ROBO1: variants seen among roughly 807,000 people sequenced by gnomAD.
ROBO1 encodes roundabout homolog 1.
In ROBO1, 149 loss-of-function variants were observed where a neutral mutation model predicts 195.9. The observed-to-expected ratio is 0.76, with a 90% CI of 0.67 to 0.87. The LOEUF is 0.87. ROBO1 is among the 40% of genes least tolerant of loss of function. ROBO1 has a pLI of 0.00. For missense variants in ROBO1, 1,933 were observed against 2,068.3 expected, an observed-to-expected ratio of 0.93 and a Z score of 1.27; for synonymous variants, 816 against 733.2, an observed-to-expected ratio of 1.11 and a Z score of -1.82.
chr3:79,678,308 T>TATAA (rs919923746), intron 1 of ROBO1, among the ~76,000 whole-genome samples: 1 of 150,870 alleles, frequency 6.6e-6, no homozygotes, highest in African/African-American at 2.4e-5. Flanking sequence ...TATATATATA[T>TATAA]AAATCACTAG....
chr3:79,629,809 T>C (rs1371246939), intron 1 of ROBO1, among the ~76,000 whole-genome samples: 1 of 152,006 alleles, frequency 6.6e-6, no homozygotes, highest in Non-Finnish European at 1.5e-5. Flanking sequence ...ATAAAAGTGA[T>C]ATTAAGACTG....
Position 79,471,268 on chromosome 3 carries a change from C to T in ROBO1, c.88+118556G>A, listed in dbSNP as rs572674602. 3.9e-5 allele frequency among the ~76,000 whole-genome samples: 6 copies of T among 152,166 alleles called. No individual in the cohort carries two copies. In the South Asian group the frequency reaches 1.2e-3, roughly 32 times the overall value. On this transcript the variant is annotated intron_variant, in intron 2 of 30. Transcript: ENST00000464233. ...GGGCAACGATTTTCTTGGATAAGAC[C>T]TCAAAACCACAGGCAATAAAATAAA...
chr3:79,625,245 C>G (rs564638973), intron 1 of ROBO1, among the ~76,000 whole-genome samples: 2 of 151,114 alleles, frequency 1.3e-5, no homozygotes, highest in South Asian at 4.2e-4. Context: ...CATCGGAAAG[C>G]TAGAAAGATC....
intron 2 of ROBO1, among the ~76,000 whole-genome samples, chr3:79,154,482 A>G (rs983236102): frequency 1.3e-5 from 2 of 151,780 alleles, no homozygotes; most frequent in Non-Finnish European, 2.9e-5. Flanking sequence ...CTCAGTCAAC[A>G]TAGTCACTTG....
chr3:79,139,968 A>G lies in ROBO1; in HGVS notation c.89-14429T>C, dbSNP rs1472673214. Among the ~76,000 whole-genome samples the G allele has an allele frequency of 7.2e-5, 11 of 152,168 alleles. No individual in the cohort carries two copies. The East Asian group carries it at 2.1e-3, about 29-fold the overall frequency. ...ATACATCCTACATTTTCAGGCACAA[A>G]AATGGCACAATAGCAATACCTAAAT... On this transcript the variant is annotated intron_variant, in intron 2 of 30. Coordinates refer to ENST00000464233, the MANE Select transcript of ROBO1 (RefSeq NM_002941.4).
At chr3:79,595,119 G>A (rs900017498) in intron 1 of ROBO1, among the ~76,000 whole-genome samples, 2 of 151,668 alleles carry the variant, frequency 1.3e-5, no homozygotes, top group African/African-American at 2.4e-5. Flanking sequence ...TTAGTTATAT[G>A]CACATATGCA....
At chr3:78,816,869 C>A (rs2030040401) in intron 4 of ROBO1, among the ~76,000 whole-genome samples, 1 of 152,032 alleles carries the variant, frequency 6.6e-6, no homozygotes. Flanking sequence ...ATATCTGCTC[C>A]TAGTGAGGAT....
intron 2 of ROBO1, among the ~76,000 whole-genome samples, chr3:79,275,215 T>C (rs1460142195): frequency 6.6e-6 from 1 of 151,956 alleles, no homozygotes; most frequent in Non-Finnish European, 1.5e-5. Flanking sequence ...CTGATGAACA[T>C]GGATGCTGAA....
At chr3:79,343,611 C>T (rs2034995131) in intron 2 of ROBO1, among the ~76,000 whole-genome samples, 1 of 152,060 alleles carries the variant, frequency 6.6e-6, no homozygotes, top group Non-Finnish European at 1.5e-5. Flanking sequence ...TAAACGTAAA[C>T]GTGGAATACA....
chr3:79,650,004 C>A (rs539886944), intron 1 of ROBO1, among the ~76,000 whole-genome samples: 1 of 151,816 alleles, frequency 6.6e-6, no homozygotes, highest in Non-Finnish European at 1.5e-5. Flanking sequence ...ACAAAAATTT[C>A]TATACTTTCT....
rs181660158 is a variant in ROBO1, at chr3:79,453,191, T to C, written c.88+136633A>G. On this transcript the variant is annotated intron_variant, in intron 2 of 30. Coordinates refer to ENST00000464233, the MANE Select transcript of ROBO1 (RefSeq NM_002941.4). ...AAGACTTCAGTGAATAGAGGCTGCATGGTGCTCTGAGTGAAAGTAGATTCT... is the reference window on the plus strand; with the variant it reads ...AAGACTTCAGTGAATAGAGGCTGCACGGTGCTCTGAGTGAAAGTAGATTCT... 2.5e-3 allele frequency among the ~76,000 whole-genome samples: 385 copies of C among 152,098 alleles called. 2 individuals are homozygous for C. Among genetic ancestry groups the C allele is most frequent in the African/African-American group, 8.0e-3 (332 of 41,510 alleles).
At chr3:79,715,644 C>T (rs1440013549) in intron 1 of ROBO1, among the ~76,000 whole-genome samples, 2 of 151,970 alleles carry the variant, frequency 1.3e-5, no homozygotes, top group African/African-American at 2.4e-5. Context: ...TGGTTTGGAA[C>T]CAAGTCTGTA....
intron 2 of ROBO1, among the ~76,000 whole-genome samples, chr3:79,128,511 T>G: frequency 6.6e-6 from 1 of 152,130 alleles, no homozygotes; most frequent in Non-Finnish European, 1.5e-5. Context: ...GGATGTAAAT[T>G]GTATTTTCTG....
intron 3 of ROBO1, among the ~76,000 whole-genome samples, chr3:79,048,378 C>T (rs2078634368): frequency 6.6e-6 from 1 of 152,098 alleles, no homozygotes; most frequent in Non-Finnish European, 1.5e-5. Context: ...AACATCAATT[C>T]AAGAATTTTC....
intron 2 of ROBO1, among the ~76,000 whole-genome samples, chr3:79,452,274 A>C (rs1320182044): frequency 6.6e-6 from 1 of 152,042 alleles, no homozygotes; most frequent in African/African-American, 2.4e-5. Flanking sequence ...TAACTTTTTA[A>C]AATAAACCAC....
chr3:79,678,120 T>C (rs901641232), intron 1 of ROBO1, among the ~76,000 whole-genome samples: 1 of 152,042 alleles, frequency 6.6e-6, no homozygotes, highest in African/African-American at 2.4e-5. Flanking sequence ...TAGAGACAGA[T>C]CCTGGTTAAA....
chr3:79,724,766 A>G (rs1338024515), intron 1 of ROBO1, among the ~76,000 whole-genome samples: 1 of 152,224 alleles, frequency 6.6e-6, no homozygotes, highest in African/African-American at 2.4e-5. Flanking sequence ...TGACTCACAG[A>G]AAGTGTGAGA....
chr3:79,653,324 A>T (rs978164772), intron 1 of ROBO1, among the ~76,000 whole-genome samples: 3 of 151,972 alleles, frequency 2.0e-5, no homozygotes, highest in Admixed American at 2.0e-4. Flanking sequence ...CCATTATTTT[A>T]GAAGCTAGAA....
intron 2 of ROBO1, among the ~76,000 whole-genome samples, chr3:79,186,281 C>CCTCT (rs140593846): frequency 0.16 from 24,639 of 151,818 alleles, 3,603 homozygotes; most frequent in African/African-American, 0.39. Flanking sequence ...TCCGGTTCTT[C>CCTCT]CTGATTTATG....
Sources: gnomAD v4.1 joint callset for allele counts (sites outside exome capture counted in the v4.1 genomes callset) on GRCh38, gnomAD v4.1.1 for gene constraint, MANE v1.5 for transcripts, NCBI Gene and HGNC (gene_info 2026-07-23, HGNC 2026-07-21) for gene names.